SYCP3: variants seen among roughly 807,000 people sequenced by gnomAD.
SYCP3 encodes the protein synaptonemal complex protein 3.
In SYCP3, 29 loss-of-function variants were observed where a neutral mutation model predicts 38.5. The ratio of observed to expected loss-of-function variants is 0.75; its 90% confidence interval spans 0.56 to 1.03. SYCP3 has a LOEUF of 1.03. SYCP3 is among the 50% of genes least tolerant of loss of function. The pLI, the probability that SYCP3 is intolerant of heterozygous loss-of-function variation, is 0.00. For missense variants in SYCP3, 242 were observed against 270.7 expected (o/e 0.89, Z 0.74); for synonymous variants, 79 against 80.3 (o/e 0.98, Z 0.08).
intron 4 of SYCP3, among the ~76,000 whole-genome samples, chr12:101,736,371 C>T (rs946180548): frequency 9.9e-5 from 15 of 152,006 alleles, no homozygotes; most frequent in Non-Finnish European, 1.2e-4. Flanking sequence ...GTTTCACCAC[C>T]GGACAGAGCA....
At chr12:101,738,090 G>T in intron 1 of SYCP3, 138 bp from the exon 2 acceptor site, 3 of 1,001,560 alleles carry the variant, frequency 3.0e-6, no homozygotes, top group Non-Finnish European at 3.0e-6. Context: ...TTATTTGGGG[G>T]GCCAAAAGTT....
intron 1 of SYCP3, 148 bp downstream of exon 1, chr12:101,739,203 C>G (rs1952611901): frequency 5.6e-6 from 3 of 537,180 alleles, no homozygotes; most frequent in Non-Finnish European, 7.1e-6. Flanking sequence ...TAGGCCCTAT[C>G]CTGCTCAAGG....
chr12:101,733,801 G>A (rs1405478519), intron 5 of SYCP3, 127 bp from the exon 6 acceptor site: 3 of 800,102 alleles, frequency 3.7e-6, no homozygotes, highest in African/African-American at 3.5e-5. Context: ...GTCTTCTGAT[G>A]GGAAACCAAA....
chr12:101,731,085 T>G (rs1186850679), intron 7 of SYCP3, among the ~76,000 whole-genome samples: 2 of 152,228 alleles, frequency 1.3e-5, no homozygotes, highest in Non-Finnish European at 2.9e-5. Flanking sequence ...TGTTATTTTA[T>G]GTTGGATATA....
chr12:101,729,252 C>A (rs1179750763), intron 7 of SYCP3, 39 bp from the exon 8 acceptor site: 1 of 1,583,664 alleles, frequency 6.3e-7, no homozygotes, highest in East Asian at 2.2e-5. Flanking sequence ...CAAAGGACCA[C>A]TTTTCATCTC....
chr12:101,734,553 C>G (rs1197790268), intron 5 of SYCP3, among the ~76,000 whole-genome samples: 1 of 152,044 alleles, frequency 6.6e-6, no homozygotes, highest in Non-Finnish European at 1.5e-5. Context: ...AAAATCAAGC[C>G]AAATACATTT....
intron 4 of SYCP3, among the ~76,000 whole-genome samples, chr12:101,735,476 C>T (rs920292796): frequency 1.3e-5 from 2 of 151,996 alleles, no homozygotes; most frequent in Non-Finnish European, 1.5e-5. Flanking sequence ...TCCTGACCAA[C>T]GTGGTGAAAG....
chr12:101,735,871 A>ATATATATATATATATTTTTTTTTT, intron 4 of SYCP3, among the ~76,000 whole-genome samples: 3 of 74,746 alleles, frequency 4.0e-5, no homozygotes, highest in African/African-American at 1.3e-4. Context: ...ATATATATAT[A>ATATATATATATATATTTTTTTTTT]TTTTTTTTTT....
intron 6 of SYCP3, chr12:101,733,286 A>G (rs1952261722): frequency 2.7e-6 from 1 of 376,170 alleles, no homozygotes; most frequent in African/African-American, 2.1e-5. Context: ...CCATCTGGCT[A>G]TGCCTGAAGC....
At chr12:101,735,079 G>T in intron 4 of SYCP3, 35 bp from the exon 5 acceptor site, 1 of 1,411,152 alleles carries the variant, frequency 7.1e-7, no homozygotes, top group Non-Finnish European at 1.0e-6. Context: ...AAAATTTAAT[G>T]TTGAAAAAAG....
chr12:101,739,169 CA>C, intron 1 of SYCP3, 181 bp downstream of exon 1: 2 of 715,914 alleles, frequency 2.8e-6, no homozygotes, highest in Non-Finnish European at 3.4e-6. Flanking sequence ...GGCCCAGCCC[CA>C]GCCCAGCCCG....
rs371009547 is a variant in SYCP3 at position 101,737,069 on chromosome 12, C to T, written c.203G>A (p.Gly68Asp). Residue 68 changes from glycine (G) to aspartate (D), a missense_variant and splice_region_variant, in exon 4 of 9, where the codon GGT becomes GAT. By Grantham distance (94) the Gly-to-Asp change is moderately conservative. Coordinates refer to ENST00000392924, the MANE Select transcript of SYCP3 (RefSeq NM_001177949.2). The part of the protein sequence containing the change: ...SSAGVVEDMG[G>D]EVQNMLEGVG... The stretch of plus-strand genomic sequence containing the variant: ...TCCTTCCAGCATATTCTGCACTTCA[C>T]CCCTGGAAAGAAATTACATTTTAAA... 12 of 1,613,728 alleles carry T rather than the reference C, an allele frequency of 7.4e-6. No individual in the cohort carries two copies. The African/African-American group carries it at 8.0e-5, about 11-fold the overall frequency.
intron 7 of SYCP3, 46 bp downstream of exon 7, chr12:101,731,522 A>G: frequency 7.7e-7 from 1 of 1,290,780 alleles, no homozygotes; most frequent in Non-Finnish European, 1.1e-6. Flanking sequence ...TTCCATAAAT[A>G]TATTATGTTT....
chr12:101,729,279 CAATT>C, intron 7 of SYCP3, 66 bp from the exon 8 acceptor site: 1 of 1,458,030 alleles, frequency 6.9e-7, no homozygotes. Context: ...TAAACTTGTA[CAATT>C]AATTTTCAAA....
At chr12:101,739,223 C>T in intron 1 of SYCP3, 128 bp downstream of exon 1, 1 of 984,556 alleles carries the variant, frequency 1.0e-6, no homozygotes, top group Non-Finnish European at 1.2e-6. Flanking sequence ...GCCCTGTCCT[C>T]AGGTTCGCGG....
In SYCP3 at chr12:101,735,037, A is replaced by G. The variant is rs560207151; in HGVS notation, c.243T>C (p.Ile81=). The G allele has an allele frequency of 6.3e-7, 1 of 1,590,220 alleles. No individual in the cohort carries two copies. Among genetic ancestry groups the G allele is most frequent in the South Asian group, 1.1e-5 (1 of 90,374 alleles). ...QNMLEGVGVD[I]NKALLAKRKR... ...TTCTCTTGGCAAGAAGAGCCTTGTTAATGTCAACTAGATTGAAAATAAAAA... is the reference window on the plus strand; with the variant it reads ...TTCTCTTGGCAAGAAGAGCCTTGTTGATGTCAACTAGATTGAAAATAAAAA... Residue 81 remains isoleucine, a synonymous_variant, in exon 5 of 9, where the codon ATT becomes ATC. Transcript: ENST00000392924.
rs777440006 is a variant in SYCP3 at position 101,739,362 on chromosome 12, C to T, written c.-29G>A. 7.0e-6 allele frequency: 7 copies of T among 1,002,822 alleles called. No homozygotes were observed. The highest frequency in any genetic ancestry group is 8.4e-6 in the Non-Finnish European group (7 of 830,380). 62.1% of individuals were successfully genotyped at this position (1,002,822 alleles called of 1,614,324 possible). ...TCCCCTGCTCACACCTGAAACACAC[C>T]GCAATGGCCGAGGACCAGTTACTGG... On this transcript the variant is annotated 5_prime_UTR_variant, in exon 1 of 9. Coordinates refer to ENST00000392924, the MANE Select transcript of SYCP3 (RefSeq NM_001177949.2).
chr12:101,739,262 C>A, intron 1 of SYCP3, 89 bp downstream of exon 1: 1 of 999,648 alleles, frequency 1.0e-6, no homozygotes, highest in South Asian at 4.7e-5. Context: ...AGGCCCCAGG[C>A]GACGCCAGGA....
At chr12:101,732,661 CTT>C (rs796987280) in intron 6 of SYCP3, 2 of 146,674 alleles carry the variant, frequency 1.4e-5, no homozygotes, top group African/African-American at 5.1e-5. Flanking sequence ...TGCATTTTTT[CTT>C]TTTTCTTTTT....
Sources: allele counts gnomAD v4.1 joint callset (sites outside exome capture counted in the v4.1 genomes callset), GRCh38; gene constraint gnomAD v4.1.1; transcripts MANE v1.5; gene names NCBI Gene and HGNC (gene_info 2026-07-23, HGNC 2026-07-21).